SENP7: variants seen among roughly 807,000 people sequenced by gnomAD.
The protein encoded by SENP7 is sentrin-specific protease 7.
In SENP7, 64 loss-of-function variants were observed where a neutral mutation model predicts 141.2. That is an observed-to-expected ratio of 0.45 (90% CI 0.37 to 0.56). SENP7 has a LOEUF of 0.56. Among genes scored for constraint, SENP7 ranks in the 20% least tolerant of loss-of-function variants. SENP7 has a pLI of 0.00. For missense variants in SENP7, 1,025 were observed against 1,212.2 expected, an observed-to-expected ratio of 0.85 and a Z score of 2.29; for synonymous variants, 382 against 426.4, an observed-to-expected ratio of 0.90 and a Z score of 1.28.
chr3:101,498,817 C>T (rs906361916), intron 2 of SENP7, among the ~76,000 whole-genome samples: 21 of 152,178 alleles, frequency 1.4e-4, no homozygotes, highest in African/African-American at 5.1e-4. Context: ...CTCATAGGAG[C>T]ACAAACACTA....
chr3:101,339,762 T>G (rs988506660), intron 16 of SENP7, among the ~76,000 whole-genome samples: 1 of 151,954 alleles, frequency 6.6e-6, no homozygotes, highest in African/African-American at 2.4e-5. Context: ...ATAGAGCTGC[T>G]GTTTTTTAGT....
At chr3:101,510,389 C>T (rs533491409) in intron 1 of SENP7, among the ~76,000 whole-genome samples, 1 of 152,344 alleles carries the variant, frequency 6.6e-6, no homozygotes, top group East Asian at 1.9e-4. Flanking sequence ...TTTTACAGTT[C>T]TTCCTTGTTT....
intron 3 of SENP7, among the ~76,000 whole-genome samples, chr3:101,474,813 G>A (rs1364574146): frequency 6.6e-6 from 1 of 152,096 alleles, no homozygotes; most frequent in East Asian, 1.9e-4. Flanking sequence ...TTGGCTGTGG[G>A]CTTGTCATAC....
At chr3:101,497,363 C>G (rs1031894302) in intron 2 of SENP7, among the ~76,000 whole-genome samples, 1 of 152,062 alleles carries the variant, frequency 6.6e-6, no homozygotes, top group African/African-American at 2.4e-5. Flanking sequence ...GCAAGTATAC[C>G]TAGCACACAG....
chr3:101,498,618 TG>T (rs2065250001), intron 2 of SENP7, among the ~76,000 whole-genome samples: 1 of 152,218 alleles, frequency 6.6e-6, no homozygotes, highest in South Asian at 2.1e-4. Flanking sequence ...AAATGCAATG[TG>T]GGATCCTGGA....
chr3:101,393,552 AAAG>A (rs2060877305), intron 6 of SENP7, among the ~76,000 whole-genome samples: 1 of 152,244 alleles, frequency 6.6e-6, no homozygotes, highest in South Asian at 2.1e-4. Flanking sequence ...ACATTTATCA[AAAG>A]AAGATATACA....
At chr3:101,506,266 C>T (rs915270104) in intron 1 of SENP7, among the ~76,000 whole-genome samples, 3 of 152,102 alleles carry the variant, frequency 2.0e-5, no homozygotes, top group African/African-American at 2.4e-5. Flanking sequence ...GTGATCTGCC[C>T]ACCTTGGCCT....
intron 15 of SENP7, 139 bp downstream of exon 15, chr3:101,341,507 T>C (rs1182986655): frequency 2.7e-6 from 2 of 731,344 alleles, no homozygotes; most frequent in Non-Finnish European, 3.8e-6. Flanking sequence ...ATAATTTCTT[T>C]AAAAAAACCT....
Position 101,361,839 on chromosome 3 carries a change from T to C in SENP7, c.1499A>G (p.Tyr500Cys), listed in dbSNP as rs1287852406. The C allele has an allele frequency of 1.9e-6, 3 of 1,605,984 alleles. No homozygotes were observed. The highest frequency in any genetic ancestry group is 2.3e-5 in the South Asian group (2 of 88,636). The change falls in exon 11 of 24, where the codon TAT becomes TGT. Residue 500 changes from tyrosine (Y) to cysteine (C), a missense_variant. This residue lies in a region of SENP7 where 228 missense variants were observed against 228.5 expected (regional missense o/e 1.00). Transcript: ENST00000394095. Reference sequence around the variant, plus strand: ...GGAAATGTTCTCCATGACAGGATTATATGGGCATAATTCAGATGACATCTA... The same window carrying C: ...GGAAATGTTCTCCATGACAGGATTACATGGGCATAATTCAGATGACATCTA... Reference protein sequence around the residue: ...SVQMSSELCPYNPVMENISSI... With the variant: ...SVQMSSELCPCNPVMENISSI...
At chr3:101,363,619 T>C (rs759941849) in intron 10 of SENP7, among the ~76,000 whole-genome samples, 1 of 152,220 alleles carries the variant, frequency 6.6e-6, no homozygotes, top group Non-Finnish European at 1.5e-5. Context: ...CTTTTAATTA[T>C]ATATACAACT....
chr3:101,503,937 C>T (rs975992043), intron 1 of SENP7, among the ~76,000 whole-genome samples: 24 of 150,324 alleles, frequency 1.6e-4, no homozygotes, highest in Admixed American at 2.6e-4. Flanking sequence ...CAGAGCAAGA[C>T]ACTGTCTCAA....
chr3:101,508,547 C>G (rs1004135132), intron 1 of SENP7, among the ~76,000 whole-genome samples: 3 of 151,840 alleles, frequency 2.0e-5, no homozygotes, highest in Non-Finnish European at 4.4e-5. Flanking sequence ...TGCAGTGAGC[C>G]GAGATCGTGC....
intron 19 of SENP7, among the ~76,000 whole-genome samples, chr3:101,331,470 TA>T (rs56780926): frequency 3.2e-4 from 44 of 137,288 alleles, no homozygotes; most frequent in Middle Eastern, 3.6e-3. Flanking sequence ...CAACGTCTCT[TA>T]AAAAAAAAAA....
At chr3:101,381,690 CATT>C in intron 6 of SENP7, among the ~76,000 whole-genome samples, 1 of 152,096 alleles carries the variant, frequency 6.6e-6, no homozygotes, top group African/African-American at 2.4e-5. Context: ...AAATGAGTAT[CATT>C]ATTAGTAATT....
chr3:101,361,181 C>A (rs1184738316), intron 11 of SENP7, among the ~76,000 whole-genome samples: 1 of 151,208 alleles, frequency 6.6e-6, no homozygotes, highest in Non-Finnish European at 1.5e-5. Context: ...CCCCTGCACT[C>A]CAGCCTGGGT....
chr3:101,414,663 GGGCAAGAATATATTTTTTATAA>G, intron 5 of SENP7: 3 of 1,288,424 alleles, frequency 2.3e-6, no homozygotes, highest in Non-Finnish European at 3.3e-6. Context: ...TGGGGGCTGA[GGGCAAGAATATATTTTTTATAA>G]GGCATTTGGG....
chr3:101,475,438 C>G (rs2064176502), intron 3 of SENP7, among the ~76,000 whole-genome samples: 1 of 152,182 alleles, frequency 6.6e-6, no homozygotes, highest in Admixed American at 6.5e-5. Flanking sequence ...TTATCCTCAG[C>G]AAACTAATGC....
chr3:101,366,502 A>G lies in SENP7; in HGVS notation c.1246T>C (p.Leu416=), dbSNP rs1167309507. 4 of 1,613,700 alleles carry G rather than the reference A, an allele frequency of 2.5e-6. No individual in the cohort carries two copies. The highest frequency in any genetic ancestry group is 3.4e-6 in the Non-Finnish European group (4 of 1,179,788). ...SSLVEKDENE[L]NTIEKPILRG... ...AGAATAGGCTTTTCTATGGTATTCAACTCATTCTCATCCTTCTCAACCAGG... is the reference window on the plus strand; with the variant it reads ...AGAATAGGCTTTTCTATGGTATTCAGCTCATTCTCATCCTTCTCAACCAGG... The change falls in exon 9 of 24, where the codon TTG becomes CTG. Residue 416 remains leucine (L), a synonymous_variant. Coordinates refer to ENST00000394095, the MANE Select transcript of SENP7 (RefSeq NM_020654.5).
intron 6 of SENP7, among the ~76,000 whole-genome samples, chr3:101,385,628 C>T (rs1198700097): frequency 1.3e-5 from 2 of 152,168 alleles, no homozygotes; most frequent in East Asian, 1.9e-4. Context: ...CCATCCAGAG[C>T]TCAAATGAAT....
Sources: gnomAD v4.1 joint callset for allele counts (sites outside exome capture counted in the v4.1 genomes callset) on GRCh38, gnomAD v4.1.1 for gene constraint, gnomAD v4.1.1 regional missense constraint, MANE v1.5 for transcripts, NCBI Gene and HGNC (gene_info 2026-07-23, HGNC 2026-07-21) for gene names.